NR3C2: variants seen among roughly 807,000 people sequenced by gnomAD.
NR3C2 encodes nuclear receptor subfamily 3 group C member 2, also known as mineralocorticoid receptor.
NR3C2 carries 15 observed loss-of-function variants against 86.4 expected under a neutral mutation model. The ratio of observed to expected loss-of-function variants is 0.17; its 90% confidence interval spans 0.12 to 0.27. The LOEUF is 0.27. Among genes scored for constraint, NR3C2 ranks in the 10% least tolerant of loss-of-function variants. The probability of loss-of-function intolerance (pLI) is 1.00; values close to 1 mark genes in which losing one functional copy is unlikely to be tolerated. For synonymous variants in NR3C2, 458 were observed against 450.5 expected, an observed-to-expected ratio of 1.02 and a Z score of -0.21; for missense variants, 960 against 1,195.6, an observed-to-expected ratio of 0.80 and a Z score of 2.91.
At chr4:148,365,721 C>A (rs1561066273) in intron 2 of NR3C2, among the ~76,000 whole-genome samples, 1 of 146,808 alleles carries the variant, frequency 6.8e-6, no homozygotes, top group Admixed American at 7.0e-5. Context: ...ATGAAAATAT[C>A]TATAATTTCT....
chr4:148,424,829 A>G (rs1749450620), intron 2 of NR3C2, among the ~76,000 whole-genome samples: 1 of 152,182 alleles, frequency 6.6e-6, no homozygotes, highest in Non-Finnish European at 1.5e-5. Context: ...CTGCATCTCA[A>G]TTGGGTGGTG....
intron 2 of NR3C2, among the ~76,000 whole-genome samples, chr4:148,333,141 T>C (rs962982703): frequency 6.6e-6 from 1 of 151,670 alleles, no homozygotes; most frequent in African/African-American, 2.4e-5. Flanking sequence ...CATGGTGATA[T>C]GTGCCTGTGG....
chr4:148,363,502 A>ATTTTTTTTTTTTTT (rs1414328296), intron 2 of NR3C2, among the ~76,000 whole-genome samples: 3 of 16,226 alleles, frequency 1.8e-4, no homozygotes, highest in East Asian at 2.2e-3. Flanking sequence ...CTTCTCATAG[A>ATTTTTTTTTTTTTT]TCTCTTTTTT....
chr4:148,444,167 C>G (rs1369124549), upstream of NR3C2: 2 of 985,286 alleles, frequency 2.0e-6, no homozygotes, highest in Non-Finnish European at 2.4e-6. Flanking sequence ...CCTGGGCACG[C>G]GAGGCGGCGG....
chr4:148,338,097 C>A (rs968684574), intron 2 of NR3C2, among the ~76,000 whole-genome samples: 1 of 152,082 alleles, frequency 6.6e-6, no homozygotes, highest in African/African-American at 2.4e-5. Flanking sequence ...ATGTACAGGT[C>A]ATAGAGAGTT....
chr4:148,435,602 T>G lies in NR3C2; in HGVS notation c.1259A>C (p.Asp420Ala). ...CLGGNSKINS[D>A]SSFSVPIKQE... ...CTTTATTGGTACTGAGAATGAAGAA[T>G]CCGAATTTATTTTGCTATTTCCTCC... The change falls in exon 2 of 9, where the codon GAT becomes GCT. Residue 420 changes from aspartate (D) to alanine (A), a missense_variant. Transcript: ENST00000358102. The G allele has an allele frequency of 6.2e-7, 1 of 1,614,134 alleles. No homozygotes were observed. The highest frequency in any genetic ancestry group is 8.5e-7 in the Non-Finnish European group (1 of 1,180,022).
At chr4:148,149,895 GAA>G (rs949055339) in intron 6 of NR3C2, among the ~76,000 whole-genome samples, 8 of 152,084 alleles carry the variant, frequency 5.3e-5, no homozygotes, top group Admixed American at 2.0e-4. Context: ...TTAATAAAAA[GAA>G]AAAAGTGCTG....
At chr4:148,117,338 C>T (rs1039456612) in intron 7 of NR3C2, among the ~76,000 whole-genome samples, 7 of 152,196 alleles carry the variant, frequency 4.6e-5, no homozygotes, top group Non-Finnish European at 1.0e-4. Context: ...CGGTTTGCCC[C>T]CTCTGCTATG....
intron 2 of NR3C2, among the ~76,000 whole-genome samples, chr4:148,348,032 C>A (rs1228959550): frequency 6.6e-6 from 1 of 152,086 alleles, no homozygotes; most frequent in Non-Finnish European, 1.5e-5. Context: ...TATCCCAGCA[C>A]CATGCACTTC....
chr4:148,174,789 A>C (rs1234774318), intron 4 of NR3C2, among the ~76,000 whole-genome samples: 1 of 152,118 alleles, frequency 6.6e-6, no homozygotes, highest in Non-Finnish European at 1.5e-5. Context: ...TTTCATCCTA[A>C]GACTGTTCCC....
At chr4:148,148,101 C>T (rs1733951560) in intron 6 of NR3C2, among the ~76,000 whole-genome samples, 2 of 152,194 alleles carry the variant, frequency 1.3e-5, no homozygotes, top group Non-Finnish European at 2.9e-5. Context: ...TCTTCAAAGG[C>T]AAGTCAATCT....
rs556477294 is a variant in NR3C2 at position 148,415,317 on chromosome 4, G to C, written c.1757+19787C>G. On this transcript the variant is annotated intron_variant, in intron 2 of 8. Transcript: ENST00000358102. ...GAGGAAAGATCATTAATATAGAGGA[G>C]AAATAAATGTTAGAAATAATGATTT... Among the ~76,000 whole-genome samples, 4 of 152,228 alleles carry C rather than the reference G, an allele frequency of 2.6e-5. No homozygotes were observed. The East Asian group carries it at 7.7e-4, about 29-fold the overall frequency.
At chr4:148,430,671 T>C (rs1749758738) in intron 2 of NR3C2, among the ~76,000 whole-genome samples, 2 of 152,064 alleles carry the variant, frequency 1.3e-5, no homozygotes. Flanking sequence ...TAAGCACCAA[T>C]ACACTCTCTC....
intron 6 of NR3C2, among the ~76,000 whole-genome samples, chr4:148,151,432 C>A (rs1321208819): frequency 2.0e-5 from 3 of 152,178 alleles, no homozygotes; most frequent in South Asian, 2.1e-4. Flanking sequence ...TTGGTGAACA[C>A]TGATGCAGTA....
chr4:148,431,782 T>C (rs1374184395), intron 2 of NR3C2, among the ~76,000 whole-genome samples: 3 of 152,180 alleles, frequency 2.0e-5, no homozygotes, highest in African/African-American at 7.2e-5. Flanking sequence ...AAAATAATAT[T>C]CAGTAACACT....
In NR3C2 at chr4:148,435,582, T is replaced by C. The variant is rs756698745; in HGVS notation, c.1279A>G (p.Ile427Val). 2.5e-6 allele frequency: 4 copies of C among 1,614,110 alleles called. No homozygotes were observed. The highest frequency in any genetic ancestry group is 1.6e-4 in the Middle Eastern group (1 of 6,062). Residue 427 changes from isoleucine to valine, a missense_variant, in exon 2 of 9, where the codon ATA becomes GTA. Transcript: ENST00000358102. ...INSDSSFSVP[I>V]KQESTKHSCS... is the part of the protein sequence containing the mutation. ...GAATGCTTGGTTGATTCTTGCTTTA[T>C]TGGTACTGAGAATGAAGAATCCGAA...
intron 3 of NR3C2, among the ~76,000 whole-genome samples, chr4:148,225,850 T>G (rs1738129772): frequency 6.6e-6 from 1 of 152,168 alleles, no homozygotes; most frequent in East Asian, 1.9e-4. Context: ...CTCAAACATC[T>G]GGCACTCGAC....
chr4:148,157,486 GT>G (rs1335451860), intron 4 of NR3C2, among the ~76,000 whole-genome samples: 6 of 152,094 alleles, frequency 3.9e-5, no homozygotes, highest in African/African-American at 1.4e-4. Flanking sequence ...CACACATCTT[GT>G]GTATCTGAAA....
chr4:148,312,600 A>T (rs1742957329), intron 2 of NR3C2, among the ~76,000 whole-genome samples: 1 of 152,208 alleles, frequency 6.6e-6, no homozygotes, highest in Admixed American at 6.5e-5. Flanking sequence ...TTTCCGTGAA[A>T]GCCACCTGCA....
Sources: gnomAD v4.1 joint callset for allele counts (sites outside exome capture counted in the v4.1 genomes callset) on GRCh38, gnomAD v4.1.1 for gene constraint, MANE v1.5 for transcripts, NCBI Gene and HGNC (gene_info 2026-07-23, HGNC 2026-07-21) for gene names.